HDAC9: variants seen among roughly 807,000 people sequenced by gnomAD.
HDAC9 encodes the protein MEF-2 interacting transcription repressor (MITR) protein.
In HDAC9, 41 loss-of-function variants were observed where a neutral mutation model predicts 139.4. The ratio of observed to expected loss-of-function variants is 0.29; its 90% CI spans 0.23 to 0.38. The LOEUF (loss-of-function observed/expected upper bound fraction) is 0.38. Ranked by LOEUF, HDAC9 falls within the 10% of genes least tolerant of loss-of-function variation. The pLI is 1.00. For missense variants in HDAC9, 1,147 were observed against 1,297.0 expected (o/e 0.88, Z 1.78); for synonymous variants, 517 against 476.2 (o/e 1.09, Z -1.12).
intron 13 of HDAC9, among the ~76,000 whole-genome samples, chr7:18,743,467 G>C (rs1787639351): frequency 6.6e-6 from 1 of 152,028 alleles, no homozygotes; most frequent in South Asian, 2.1e-4. Flanking sequence ...TCATTTGCTT[G>C]CTGGATACAT....
Position 18,388,497 on chromosome 7 carries a change from A to G in HDAC9, c.-42+97982A>G, listed in dbSNP as rs117007485. 4.9e-3 allele frequency among the ~76,000 whole-genome samples: 752 copies of G among 152,214 alleles called. 3 individuals are homozygous for G. Among genetic ancestry groups the G allele is most frequent in the Non-Finnish European group, 7.5e-3 (507 of 68,020 alleles). ...TGCTTTTTTGAAATTTTAATCAGAG[A>G]GTTTGCTTTTTTAAACCATAGACTT... On this transcript the variant is annotated intron_variant, in intron 1 of 3. Transcript: ENST00000413509.
intron 1 of HDAC9, among the ~76,000 whole-genome samples, chr7:18,326,226 G>A (rs1158643196): frequency 2.0e-5 from 3 of 151,964 alleles, no homozygotes; most frequent in Non-Finnish European, 4.4e-5. Context: ...CTGGCAAAAG[G>A]TTTTGGCCTT....
At chr7:18,303,166 A>G (rs1798657565) in intron 1 of HDAC9, among the ~76,000 whole-genome samples, 1 of 152,200 alleles carries the variant, frequency 6.6e-6, no homozygotes, top group South Asian at 2.1e-4. Flanking sequence ...TGGTCAAGTC[A>G]CTAGCATAAA....
intron 17 of HDAC9, among the ~76,000 whole-genome samples, chr7:18,812,919 A>G (rs1794289796): frequency 6.6e-6 from 1 of 151,820 alleles, no homozygotes; most frequent in Admixed American, 6.6e-5. Context: ...GTTGTGTTCA[A>G]CCTGCTGCTA....
At chr7:18,117,195 G>T (rs759552159) in intron 1 of HDAC9, among the ~76,000 whole-genome samples, 3 of 152,112 alleles carry the variant, frequency 2.0e-5, no homozygotes, top group African/African-American at 4.8e-5. Flanking sequence ...ATGTAATGAA[G>T]TTAAGATGAG....
chr7:18,492,018 C>G (rs1327770003), upstream of HDAC9, among the ~76,000 whole-genome samples: 2 of 151,940 alleles, frequency 1.3e-5, no homozygotes, highest in African/African-American at 4.8e-5. Context: ...TCTCCTTAAC[C>G]ATACTTAATT....
intron 1 of HDAC9, among the ~76,000 whole-genome samples, chr7:18,392,325 A>T (rs866797627): frequency 0.027 from 4,054 of 147,882 alleles, 143 homozygotes; most frequent in African/African-American, 0.099. Flanking sequence ...TCACACACAC[A>T]CACACACACA....
intron 1 of HDAC9, among the ~76,000 whole-genome samples, chr7:18,309,902 G>C (rs766322906): frequency 6.6e-6 from 1 of 152,086 alleles, no homozygotes; most frequent in Non-Finnish European, 1.5e-5. Context: ...TGAAATCCAG[G>C]TGGTCCTTGT....
At chr7:18,686,257 C>T (rs1238774823) in intron 12 of HDAC9, among the ~76,000 whole-genome samples, 1 of 151,990 alleles carries the variant, frequency 6.6e-6, no homozygotes, top group South Asian at 2.1e-4. Flanking sequence ...GCTAACTTTT[C>T]AACCAAGTCT....
At chr7:18,761,481 A>G (rs1031682403) in intron 14 of HDAC9, among the ~76,000 whole-genome samples, 3 of 152,238 alleles carry the variant, frequency 2.0e-5, no homozygotes, top group African/African-American at 7.2e-5. Flanking sequence ...AGTGAAATAA[A>G]TATTGAAGAG....
At chr7:18,871,306 CCA>C (rs1459758559) in intron 21 of HDAC9, among the ~76,000 whole-genome samples, 2 of 152,120 alleles carry the variant, frequency 1.3e-5, no homozygotes, top group Non-Finnish European at 2.9e-5. Flanking sequence ...ACAAGATATT[CCA>C]GAGTCATGTA....
intron 21 of HDAC9, among the ~76,000 whole-genome samples, chr7:18,871,713 A>G (rs1312857674): frequency 6.6e-6 from 1 of 152,178 alleles, no homozygotes; most frequent in Non-Finnish European, 1.5e-5. Context: ...CAAATGCATT[A>G]TTCAATCTTT....
Position 18,207,539 on chromosome 7 carries a change from C to CTTTTTTTTTTTTTTT in HDAC9, c.25+45194_25+45208dup, listed in dbSNP as rs56690120. ...CTCTCACCTCATCTGCCCAAGGAGTCTTTTTTTTTTTTTTTTTTGATTTGA... is the reference window on the plus strand; with the variant it reads ...CTCTCACCTCATCTGCCCAAGGAGTCTTTTTTTTTTTTTTTTTTTTTTTTTTTTTTTTTGATTTGA... On this transcript the variant is annotated intron_variant, in intron 2 of 12. Coordinates refer to the HDAC9 transcript ENST00000417496. Among the ~76,000 whole-genome samples the CTTTTTTTTTTTTTTT allele has an allele frequency of 1.4e-3, 77 of 53,736 alleles. 12 individuals carry two copies. Among genetic ancestry groups the CTTTTTTTTTTTTTTT allele is most frequent in the African/African-American group, 2.6e-3 (33 of 12,778 alleles). 35.3% of individuals were successfully genotyped at this position (53,736 alleles called of 152,430 possible). A position where few individuals can be genotyped will look rare whatever the true frequency, so the allele number is the denominator to read the frequency against.
chr7:18,691,913 C>A (rs1382258112), intron 12 of HDAC9, among the ~76,000 whole-genome samples: 1 of 151,940 alleles, frequency 6.6e-6, no homozygotes, highest in East Asian at 1.9e-4. Context: ...CAAAAGAGAA[C>A]AGTCTGTGTA....
At chr7:18,190,001 A>C (rs1790227975) in intron 2 of HDAC9, among the ~76,000 whole-genome samples, 1 of 151,848 alleles carries the variant, frequency 6.6e-6, no homozygotes, top group Non-Finnish European at 1.5e-5. Context: ...GTACAGTGGC[A>C]CGATCTCAGC....
intron 1 of HDAC9, among the ~76,000 whole-genome samples, chr7:18,446,666 A>C (rs1019543505): frequency 2.0e-5 from 3 of 152,158 alleles, no homozygotes; most frequent in Non-Finnish European, 4.4e-5. Context: ...CCTTTTTGCT[A>C]TGCATTTACA....
intron 2 of HDAC9, among the ~76,000 whole-genome samples, chr7:18,513,246 A>G (rs924347176): frequency 1.3e-5 from 2 of 152,254 alleles, no homozygotes; most frequent in African/African-American, 4.8e-5. Flanking sequence ...AAGATAGGGC[A>G]GGGACTTTAG....
chr7:18,509,286 C>G, intron 2 of HDAC9: 1 of 985,370 alleles, frequency 1.0e-6, no homozygotes, highest in Non-Finnish European at 1.2e-6. Flanking sequence ...CACTTAACTT[C>G]TGCCTTGTGG....
intron 22 of HDAC9, among the ~76,000 whole-genome samples, chr7:18,922,015 T>G (rs1803785849): frequency 7.3e-6 from 1 of 136,686 alleles, no homozygotes; most frequent in Admixed American, 8.9e-5. Flanking sequence ...ACTCATAGGT[T>G]GGAACTGCAT....
Sources: gnomAD v4.1 joint callset for allele counts (sites outside exome capture counted in the v4.1 genomes callset) on GRCh38, gnomAD v4.1.1 for gene constraint, MANE v1.5 for transcripts, NCBI Gene and HGNC (gene_info 2026-07-23, HGNC 2026-07-21) for gene names.